The following HNF4G variants were observed in gnomAD, a reference collection of about 807,000 sequenced individuals.
HNF4G encodes the protein hepatocyte nuclear factor 4-gamma.
A neutral mutation model predicts 50.9 loss-of-function variants in HNF4G; 21 were observed. The observed-to-expected ratio is 0.41, with a 90% confidence interval of 0.29 to 0.59. The LOEUF is 0.59. Ranked by LOEUF, HNF4G falls within the 20% of genes least tolerant of loss-of-function variation. HNF4G has a pLI of 0.26. For missense variants in HNF4G, 527 were observed against 559.4 expected (o/e 0.94, Z 0.58); for synonymous variants, 198 against 185.6 (o/e 1.07, Z -0.54).
At chr8:75,416,123 AT>A (rs1810628319) in intron 1 of HNF4G, among the ~76,000 whole-genome samples, 1 of 152,226 alleles carries the variant, frequency 6.6e-6, no homozygotes. Flanking sequence ...GACAAAAATA[AT>A]GTGATCAAGT....
At position 75,547,522 on chromosome 8, in the gene HNF4G, G is replaced by C. The variant is rs1806821516; in HGVS notation, c.288-65G>C. 20 of 1,117,696 alleles carry C rather than the reference G, an allele frequency of 1.8e-5. No individual in the cohort carries two copies. In the South Asian group the frequency reaches 2.6e-4, roughly 14 times the overall value. 69.2% of individuals were successfully genotyped at this position (1,117,696 alleles called of 1,614,324 possible). On this transcript the variant is annotated intron_variant, in intron 2 of 9. Coordinates refer to ENST00000396423, the MANE Select transcript of HNF4G (RefSeq NM_004133.5). ...GACAATACATATTTAAAATCCATTT[G>C]TCTGTTTATTTGCTTCTTTTGTAAA...
chr8:75,499,786 G>A (rs1202939077), intron 2 of HNF4G, among the ~76,000 whole-genome samples: 1 of 151,964 alleles, frequency 6.6e-6, no homozygotes, highest in Non-Finnish European at 1.5e-5. Context: ...CAATTCAAGT[G>A]AGAAACAATA....
chr8:75,529,289 TA>T (rs1173147940), intron 2 of HNF4G, among the ~76,000 whole-genome samples: 204 of 140,316 alleles, frequency 1.5e-3, no homozygotes, highest in Middle Eastern at 3.7e-3. Context: ...AGGTTCTGTC[TA>T]AAAAAAAAAA....
intron 1 of HNF4G, among the ~76,000 whole-genome samples, chr8:75,542,197 C>G (rs1405908765): frequency 6.6e-6 from 1 of 151,800 alleles, no homozygotes; most frequent in Admixed American, 6.6e-5. Flanking sequence ...CCCAACTACT[C>G]GGGAGGCTGA....
At chr8:75,423,409 G>A (rs1810817624) in intron 1 of HNF4G, among the ~76,000 whole-genome samples, 1 of 142,994 alleles carries the variant, frequency 7.0e-6, no homozygotes, top group South Asian at 2.2e-4. Flanking sequence ...GCACGATCTG[G>A]GGCGATCTTG....
At chr8:75,528,830 A>G (rs1230184213) in intron 2 of HNF4G, among the ~76,000 whole-genome samples, 1 of 152,168 alleles carries the variant, frequency 6.6e-6, no homozygotes. Flanking sequence ...GCTGCTATAA[A>G]GATACTACCT....
intron 1 of HNF4G, among the ~76,000 whole-genome samples, chr8:75,444,094 A>G (rs1811360890): frequency 6.6e-6 from 1 of 152,278 alleles, no homozygotes; most frequent in Middle Eastern, 3.4e-3. Flanking sequence ...CAGAAACCCT[A>G]CAAGCCAGAA....
chr8:75,483,099 G>T (rs1812418611), intron 1 of HNF4G, among the ~76,000 whole-genome samples: 1 of 152,118 alleles, frequency 6.6e-6, no homozygotes, highest in Admixed American at 6.5e-5. Flanking sequence ...AGTTTGAAAT[G>T]ATTTGTTTAT....
intron 1 of HNF4G, among the ~76,000 whole-genome samples, chr8:75,422,800 A>T (rs555925759): frequency 6.6e-6 from 1 of 151,974 alleles, no homozygotes; most frequent in African/African-American, 2.4e-5. Context: ...TGCCCCGCTA[A>T]TTTTTTCTAT....
At chr8:75,430,474 T>G (rs73341198) in intron 1 of HNF4G, among the ~76,000 whole-genome samples, 324 of 136,098 alleles carry the variant, frequency 2.4e-3, no homozygotes, top group African/African-American at 8.0e-3. Flanking sequence ...GGGTAGGGAG[T>G]AGAGAGAGAG....
intron 2 of HNF4G, among the ~76,000 whole-genome samples, chr8:75,532,530 T>C (rs1806357274): frequency 6.6e-6 from 1 of 152,088 alleles, no homozygotes; most frequent in African/African-American, 2.4e-5. Flanking sequence ...CATTGAATCA[T>C]GCTTCCCAAA....
intron 1 of HNF4G, among the ~76,000 whole-genome samples, chr8:75,451,672 T>C (rs1460706289): frequency 6.6e-6 from 1 of 152,236 alleles, no homozygotes; most frequent in Non-Finnish European, 1.5e-5. Context: ...CATTTATTTC[T>C]GGACTCTTTA....
At chr8:75,529,655 C>T (rs967014722) in intron 2 of HNF4G, among the ~76,000 whole-genome samples, 1 of 151,868 alleles carries the variant, frequency 6.6e-6, no homozygotes, top group Non-Finnish European at 1.5e-5. Context: ...ACATAACTAC[C>T]AAATGAACCA....
intron 2 of HNF4G, among the ~76,000 whole-genome samples, chr8:75,502,282 G>C (rs1437493593): frequency 6.6e-6 from 1 of 152,186 alleles, no homozygotes; most frequent in Non-Finnish European, 1.5e-5. Flanking sequence ...GTGAAAGACA[G>C]AGAATTGAGA....
chr8:75,503,313 C>T (rs1157699049), intron 2 of HNF4G, among the ~76,000 whole-genome samples: 1 of 151,868 alleles, frequency 6.6e-6, no homozygotes, highest in East Asian at 1.9e-4. Context: ...CGATCACCTA[C>T]AGAGCTATAA....
chr8:75,555,076 A>G (rs1000126513), intron 5 of HNF4G, among the ~76,000 whole-genome samples: 3 of 152,208 alleles, frequency 2.0e-5, no homozygotes, highest in Non-Finnish European at 4.4e-5. Context: ...CTGTGAGGCC[A>G]TGTTTGACGA....
At chr8:75,437,263 C>T (rs1032712523) in intron 1 of HNF4G, among the ~76,000 whole-genome samples, 2 of 152,104 alleles carry the variant, frequency 1.3e-5, no homozygotes, top group Non-Finnish European at 2.9e-5. Flanking sequence ...CATATTCGCA[C>T]GTATCTATAA....
chr8:75,565,611 G>A lies in HNF4G; in HGVS notation c.*1515G>A, dbSNP rs1171096770. Reference sequence around the variant, plus strand: ...CTCATGATGCAGTGGCTCCTCTCTGGTTGAGGAGAGGGAAAATTGGAAAAA... The same window carrying A: ...CTCATGATGCAGTGGCTCCTCTCTGATTGAGGAGAGGGAAAATTGGAAAAA... On this transcript the variant is annotated 3_prime_UTR_variant, in exon 10 of 10. Coordinates refer to ENST00000396423, the MANE Select transcript of HNF4G (RefSeq NM_004133.5). 1 of 152,058 alleles carries A rather than the reference G, an allele frequency of 6.6e-6. No individual in the cohort carries two copies. Among genetic ancestry groups the A allele is most frequent in the Non-Finnish European group, 1.5e-5 (1 of 68,024 alleles). 9.4% of individuals were successfully genotyped at this position (152,058 alleles called of 1,614,324 possible).
intron 5 of HNF4G, among the ~76,000 whole-genome samples, chr8:75,553,491 G>A (rs1020812389): frequency 6.6e-6 from 1 of 152,098 alleles, no homozygotes; most frequent in Admixed American, 6.6e-5. Context: ...AAGGTAGATA[G>A]CATGTAACTA....
Sources: gnomAD v4.1 joint callset for allele counts (sites outside exome capture counted in the v4.1 genomes callset) on GRCh38, gnomAD v4.1.1 for gene constraint, MANE v1.5 for transcripts, NCBI Gene and HGNC (gene_info 2026-07-23, HGNC 2026-07-21) for gene names.